PLXNA4: variants seen among roughly 807,000 people sequenced by gnomAD.
PLXNA4 encodes the protein plexin-A4.
In PLXNA4, 44 loss-of-function variants were observed where a neutral mutation model predicts 191.8. The ratio of observed to expected loss-of-function variants is 0.23; its 90% CI spans 0.18 to 0.29. PLXNA4 has a LOEUF of 0.29. PLXNA4 is among the 10% of genes least tolerant of loss of function. PLXNA4 has a pLI of 1.00. For missense variants in PLXNA4, 1,800 were observed against 2,488.8 expected (o/e 0.72, Z 5.89); for synonymous variants, 1,082 against 1,009.5 (o/e 1.07, Z -1.36).
chr7:132,455,015 A>T (rs1343975770), intron 3 of PLXNA4, among the ~76,000 whole-genome samples: 1 of 152,170 alleles, frequency 6.6e-6, no homozygotes, highest in Non-Finnish European at 1.5e-5. Context: ...GGTTCTGTGT[A>T]TCCCTGCACT....
chr7:132,638,756 T>TA (rs1436769737), intron 2 of PLXNA4, among the ~76,000 whole-genome samples: 2 of 151,938 alleles, frequency 1.3e-5, no homozygotes, highest in South Asian at 2.1e-4. Flanking sequence ...TCACATGAAA[T>TA]AAAAATATAT....
chr7:132,204,999 A>C (rs1329933323), intron 10 of PLXNA4, among the ~76,000 whole-genome samples: 2 of 152,162 alleles, frequency 1.3e-5, no homozygotes, highest in African/African-American at 4.8e-5. Flanking sequence ...TGTTTGTCCC[A>C]CAACGGAGGA....
Position 132,385,480 on chromosome 7 carries a change from A to G in PLXNA4, c.1372-87258T>C, listed in dbSNP as rs192002266. 2.4e-3 allele frequency among the ~76,000 whole-genome samples: 364 copies of G among 152,342 alleles called. 1 individual carries two copies. Among genetic ancestry groups the G allele is most frequent in the African/African-American group, 8.3e-3 (347 of 41,588 alleles). ...TATGGAGCAGAACTAACAAGGCCAC[A>G]GTTGAAGTCCAAATCCTGGGTCAAC... is the stretch of plus-strand genomic sequence containing the variant. On this transcript the variant is annotated intron_variant, in intron 3 of 31. Transcript: ENST00000321063.
At chr7:132,268,706 G>A (rs949640778) in intron 4 of PLXNA4, among the ~76,000 whole-genome samples, 4 of 152,190 alleles carry the variant, frequency 2.6e-5, no homozygotes, top group Non-Finnish European at 5.9e-5. Context: ...GCCTCCAGGA[G>A]GAGGAAGGCT....
intron 30 of PLXNA4, 33 bp downstream of exon 30, chr7:132,140,566 G>T (rs748277842): frequency 6.2e-7 from 1 of 1,607,100 alleles, no homozygotes; most frequent in South Asian, 1.1e-5. Context: ...TCCAGCAAGG[G>T]GCCCTGACTT....
chr7:132,228,388 C>G lies in PLXNA4; in HGVS notation c.1686G>C (p.Thr562=). 6.2e-7 allele frequency: 1 copy of G among 1,614,114 alleles called. No individual in the cohort carries two copies. Among genetic ancestry groups the G allele is most frequent in the Non-Finnish European group, 8.5e-7 (1 of 1,180,038 alleles). ...AGACGGAGATATTGTTGGGATGGAC[C>G]GTCAGCCGGACACACTGCTTCATCT... The part of the protein sequence containing the change: ...ASEMKQCVRL[T]VHPNNISVSQ... Residue 562 remains threonine (T), a synonymous_variant, in exon 6 of 32, where the codon ACG becomes ACC. Coordinates refer to ENST00000321063, the MANE Select transcript of PLXNA4 (RefSeq NM_020911.2).
intron 10 of PLXNA4, among the ~76,000 whole-genome samples, chr7:132,207,155 T>TAC (rs199991765): frequency 0.02 from 3,065 of 152,334 alleles, 50 homozygotes; most frequent in Middle Eastern, 0.034. Context: ...AAGAAGCTGG[T>TAC]ATGTACACTG....
intron 4 of PLXNA4, among the ~76,000 whole-genome samples, chr7:132,241,864 C>A (rs934989744): frequency 1.3e-5 from 2 of 152,178 alleles, no homozygotes; most frequent in African/African-American, 4.8e-5. Flanking sequence ...CCTCTCCAAC[C>A]CAAAACTTTA....
chr7:132,577,900 C>T (rs1802320979), upstream of PLXNA4, among the ~76,000 whole-genome samples: 4 of 152,172 alleles, frequency 2.6e-5, no homozygotes, highest in Admixed American at 2.0e-4. Flanking sequence ...GCCGAGGACA[C>T]TGAGGGCACA....
At chr7:132,166,792 C>T (rs207468611) in intron 22 of PLXNA4, among the ~76,000 whole-genome samples, 1 of 151,744 alleles carries the variant, frequency 6.6e-6, no homozygotes, top group Admixed American at 6.6e-5. Context: ...AGTGGCAACC[C>T]TAGAATTATG....
upstream of PLXNA4, chr7:132,576,929 G>A (rs555545659): frequency 6.7e-6 from 1 of 149,330 alleles, no homozygotes; most frequent in African/African-American, 2.4e-5. This position sits in a 1 kb window ranked among gnomAD's most constrained non-coding sequence, Gnocchi z 5.8. Context: ...GACCCGCCGG[G>A]GAGCGCTCTC....
In PLXNA4 at chr7:132,621,048, T is replaced by C. The variant is rs558353371; in HGVS notation, c.-87+24880A>G. Among the ~76,000 whole-genome samples the C allele has an allele frequency of 2.0e-5, 3 of 152,202 alleles. No homozygotes were observed. In the East Asian group the frequency reaches 5.8e-4, roughly 29 times the overall value. ...TTCATTCATGAGGGCTCCACTCTCA[T>C]GAGTAAATCACATCCCAAAGGCCCT... On this transcript the variant is annotated intron_variant, in intron 2 of 4. Transcript: ENST00000378539.
rs773825702 is a variant in PLXNA4 at position 132,185,414 on chromosome 7, G to A, written c.3043C>T (p.Leu1015=). The A allele has an allele frequency of 8.9e-5, 143 of 1,613,986 alleles. No homozygotes were observed. The highest frequency in any genetic ancestry group is 1.2e-4 in the Non-Finnish European group (138 of 1,180,024). ...VCNTTSSDEV[L]EMKVSVQVDR... is the part of the protein sequence containing the mutation. Reference sequence around the variant, plus strand: ...ACCTGCACCGACACCTTCATCTCTAGCACCTCATCTGAGGATGTGGTGTTG... The same window carrying A: ...ACCTGCACCGACACCTTCATCTCTAACACCTCATCTGAGGATGTGGTGTTG... Residue 1015 remains leucine (L), a synonymous_variant, in exon 16 of 32, where the codon CTA becomes TTA. Coordinates refer to ENST00000321063, the MANE Select transcript of PLXNA4 (RefSeq NM_020911.2).
At chr7:132,207,838 A>T (rs75558788) in intron 10 of PLXNA4, among the ~76,000 whole-genome samples, 4,423 of 152,318 alleles carry the variant, frequency 0.029, 74 homozygotes, top group Middle Eastern at 0.095. Context: ...CTGTACTCCC[A>T]GGAATAACAC....
intron 1 of PLXNA4, among the ~76,000 whole-genome samples, chr7:132,543,034 G>C (rs1800149247): frequency 6.6e-6 from 1 of 152,036 alleles, no homozygotes; most frequent in Non-Finnish European, 1.5e-5. Context: ...TTATTTCCTT[G>C]TGTGTCAGCT....
rs908328202 is a variant in PLXNA4 at position 132,194,548 on chromosome 7, C to T, written c.2739-369G>A. On this transcript the variant is annotated intron_variant, in intron 13 of 31. Transcript: ENST00000321063. ...GTCCAGAGAGGCAAAGCCACTTACC[C>T]AAGGGCTGCAGCAAGTCAAACCAGA... Among the ~76,000 whole-genome samples the T allele has an allele frequency of 7.9e-5, 12 of 152,182 alleles. 1 individual carries two copies. The highest frequency in any genetic ancestry group is 7.9e-4 in the Admixed American group (12 of 15,276).
At chr7:132,377,269 T>C (rs1804694374) in intron 3 of PLXNA4, among the ~76,000 whole-genome samples, 1 of 152,150 alleles carries the variant, frequency 6.6e-6, no homozygotes, top group Admixed American at 6.5e-5. Flanking sequence ...AAAATTGCTT[T>C]AAATGATTTC....
chr7:132,195,599 C>T (rs1462251306), intron 13 of PLXNA4, among the ~76,000 whole-genome samples: 2 of 152,178 alleles, frequency 1.3e-5, no homozygotes, highest in African/African-American at 2.4e-5. Flanking sequence ...CAGATATGAA[C>T]AATCCTTTTA....
intron 2 of PLXNA4, among the ~76,000 whole-genome samples, chr7:132,491,730 A>G (rs914056694): frequency 1.3e-5 from 2 of 152,214 alleles, no homozygotes; most frequent in Non-Finnish European, 2.9e-5. Flanking sequence ...GGAGTTCGAG[A>G]CCAACACTGT....
Sources: gnomAD v4.1 joint callset for allele counts (sites outside exome capture counted in the v4.1 genomes callset) on GRCh38, gnomAD v4.1.1 for gene constraint, Gnocchi (gnomAD v3.1) non-coding constraint, MANE v1.5 for transcripts, NCBI Gene and HGNC (gene_info 2026-07-23, HGNC 2026-07-21) for gene names.